The following CCDC13 variants were observed in gnomAD, a reference collection of about 807,000 sequenced individuals.
CCDC13 encodes the protein coiled-coil domain-containing protein 13.
In CCDC13, 70 loss-of-function variants were observed where a neutral mutation model predicts 87.3. That is an observed-to-expected ratio of 0.80 (90% CI 0.66 to 0.98). The LOEUF is 0.98. Among genes scored for constraint, CCDC13 ranks in the 50% least tolerant of loss-of-function variants. The probability of loss-of-function intolerance (pLI) is 0.00; values close to 1 mark genes in which losing one functional copy is unlikely to be tolerated. For missense variants in CCDC13, 842 were observed against 892.0 expected (o/e 0.94, Z 0.71); for synonymous variants, 317 against 360.3 (o/e 0.88, Z 1.36).
intron 13 of CCDC13, among the ~76,000 whole-genome samples, chr3:42,730,081 A>G (rs1477673186): frequency 6.6e-6 from 1 of 152,000 alleles, no homozygotes; most frequent in African/African-American, 2.4e-5. Context: ...CCAATTCCAG[A>G]TGTCAGTCTA....
At chr3:42,713,132 C>CT in intron 14 of CCDC13, 30 bp downstream of exon 14, 1 of 1,607,774 alleles carries the variant, frequency 6.2e-7, no homozygotes, top group African/African-American at 1.3e-5. Flanking sequence ...CCTCCACCCC[C>CT]TGCACTGAGA....
At chr3:42,741,255 G>A (rs1699206912) in intron 8 of CCDC13, among the ~76,000 whole-genome samples, 1 of 152,042 alleles carries the variant, frequency 6.6e-6, no homozygotes, top group Non-Finnish European at 1.5e-5. Flanking sequence ...TTGAGCCCTA[G>A]AAAGTCTGTC....
intron 12 of CCDC13, chr3:42,732,640 G>T: frequency 3.8e-6 from 2 of 526,492 alleles, no homozygotes; most frequent in Non-Finnish European, 6.7e-6. Context: ...GGTTCCTCAG[G>T]TTAATTCTCA....
intron 5 of CCDC13, among the ~76,000 whole-genome samples, chr3:42,747,713 T>C (rs1236798037): frequency 6.6e-6 from 1 of 152,174 alleles, no homozygotes; most frequent in African/African-American, 2.4e-5. Flanking sequence ...AGGTGAAGCA[T>C]CTGGAGGAAG....
intron 1 of CCDC13, among the ~76,000 whole-genome samples, chr3:42,769,766 G>T (rs1223738465): frequency 6.6e-6 from 1 of 152,268 alleles, no homozygotes; most frequent in African/African-American, 2.4e-5. Flanking sequence ...GGCCAGTGAG[G>T]GTTCTGGGTG....
At chr3:42,715,539 G>A (rs1487724192) in intron 13 of CCDC13, among the ~76,000 whole-genome samples, 1 of 152,114 alleles carries the variant, frequency 6.6e-6, no homozygotes, top group Non-Finnish European at 1.5e-5. Context: ...TTGAGCCTGG[G>A]AGGCAGAGGT....
intron 1 of CCDC13, among the ~76,000 whole-genome samples, chr3:42,760,716 T>C (rs1010633934): frequency 4.6e-5 from 7 of 151,500 alleles, no homozygotes; most frequent in South Asian, 2.1e-4. Flanking sequence ...GATTGCGCCA[T>C]TGCATTCCAA....
chr3:42,745,889 G>A, intron 7 of CCDC13, 34 bp downstream of exon 7: 1 of 1,548,920 alleles, frequency 6.5e-7, no homozygotes, highest in South Asian at 1.1e-5. Flanking sequence ...TAAATCCTTT[G>A]TTCAGGCCAG....
downstream of CCDC13, chr3:42,704,545 C>A (rs925021611): frequency 6.6e-6 from 1 of 152,284 alleles, no homozygotes; most frequent in Non-Finnish European, 1.5e-5. Flanking sequence ...GCCACAGACA[C>A]CCTGACCCCC....
intron 1 of CCDC13, among the ~76,000 whole-genome samples, chr3:42,759,680 T>C (rs1014902405): frequency 3.9e-5 from 6 of 152,222 alleles, no homozygotes; most frequent in African/African-American, 1.4e-4. Context: ...AACAAGAATT[T>C]GATTATACAT....
Position 42,735,807 on chromosome 3 carries a change from TGA to T in CCDC13, c.1269_1270del (p.Gln424AlafsTer15), listed in dbSNP as rs1446351305. ...CTGGGCGACTAGGCTGTTGCTCCGC[TGA>T]GCCTCGCTGTTCAGTTGCTGGTCCA... On this transcript the variant is annotated frameshift_variant, in exon 10 of 16. Transcript: ENST00000310232. LOFTEE classifies it high-confidence loss of function. 1 of 1,610,378 alleles carries T rather than the reference TGA, an allele frequency of 6.2e-7. No individual in the cohort carries two copies. The highest frequency in any genetic ancestry group is 1.7e-5 in the Admixed American group (1 of 60,022).
intron 14 of CCDC13, among the ~76,000 whole-genome samples, chr3:42,711,285 G>C (rs1170708252): frequency 2.0e-5 from 3 of 150,020 alleles, no homozygotes; most frequent in South Asian, 2.1e-4. Context: ...TCAACTGGTG[G>C]TGGCGAACTT....
intron 1 of CCDC13, among the ~76,000 whole-genome samples, chr3:42,768,633 G>A (rs1043373474): frequency 6.6e-6 from 1 of 152,020 alleles, no homozygotes; most frequent in East Asian, 1.9e-4. Context: ...GGAGGTGGAG[G>A]TTGCAGTAAG....
At chr3:42,726,424 T>C (rs548992501) in intron 13 of CCDC13, among the ~76,000 whole-genome samples, 1 of 152,258 alleles carries the variant, frequency 6.6e-6, no homozygotes, top group Admixed American at 6.5e-5. Context: ...TATTTAGTGA[T>C]CTAGAAAGCT....
intron 2 of CCDC13, 43 bp downstream of exon 2, chr3:42,758,082 C>CACACACAT (rs1233231171): frequency 6.6e-7 from 1 of 1,525,608 alleles, no homozygotes; most frequent in Non-Finnish European, 9.1e-7. Flanking sequence ...CACACACACA[C>CACACACAT]ACACACACAC....
At chr3:42,726,643 C>T (rs552886535) in intron 13 of CCDC13, among the ~76,000 whole-genome samples, 9 of 151,930 alleles carry the variant, frequency 5.9e-5, no homozygotes, top group Admixed American at 3.9e-4. Context: ...GATAAAATTA[C>T]GTATAACATA....
intron 13 of CCDC13, among the ~76,000 whole-genome samples, chr3:42,727,458 T>C (rs1698717392): frequency 6.6e-6 from 1 of 151,886 alleles, no homozygotes; most frequent in Non-Finnish European, 1.5e-5. Flanking sequence ...ATGGCCTCAC[T>C]GAACTAAAGG....
At chr3:42,714,572 T>C (rs2125870047) in intron 13 of CCDC13, among the ~76,000 whole-genome samples, 1 of 152,352 alleles carries the variant, frequency 6.6e-6, no homozygotes, top group African/African-American at 2.4e-5. Flanking sequence ...CATTTCAGAC[T>C]TCTATGATAC....
chr3:42,771,086 A>C (rs939866553), intron 1 of CCDC13: 1 of 152,250 alleles, frequency 6.6e-6, no homozygotes, highest in African/African-American at 2.4e-5. Context: ...AGGTGAGTAG[A>C]TAACCTGGTA....
Sources: allele counts gnomAD v4.1 joint callset (sites outside exome capture counted in the v4.1 genomes callset), GRCh38; gene constraint gnomAD v4.1.1; transcripts MANE v1.5; gene names NCBI Gene and HGNC (gene_info 2026-07-23, HGNC 2026-07-21).